GRAP2: variants seen among roughly 807,000 people sequenced by gnomAD.
The protein encoded by GRAP2 is GRB2-related adapter protein 2.
GRAP2 carries 31 observed loss-of-function variants against 43.5 expected under a neutral mutation model. The observed-to-expected ratio is 0.71, with a 90% CI of 0.54 to 0.96. The LOEUF is 0.96. GRAP2 is among the 40% of genes least tolerant of loss of function. GRAP2 has a pLI of 0.00. For missense variants in GRAP2, 371 were observed against 424.4 expected (o/e 0.87, Z 1.11); for synonymous variants, 156 against 164.8 (o/e 0.95, Z 0.41).
At chr22:39,950,681 G>A (rs192781875) in intron 2 of GRAP2, among the ~76,000 whole-genome samples, 2 of 152,310 alleles carry the variant, frequency 1.3e-5, no homozygotes, top group Admixed American at 6.5e-5. Flanking sequence ...ATTTCTTCCT[G>A]TTCATTTAGA....
intron 1 of GRAP2, among the ~76,000 whole-genome samples, chr22:39,917,784 TG>T: frequency 6.6e-6 from 1 of 152,366 alleles, no homozygotes; most frequent in Middle Eastern, 3.4e-3. Context: ...GAAAAATTAA[TG>T]GCATTAGGGG....
At chr22:39,937,704 G>A (rs2066820239) in intron 1 of GRAP2, among the ~76,000 whole-genome samples, 1 of 152,112 alleles carries the variant, frequency 6.6e-6, no homozygotes, top group Admixed American at 6.5e-5. Flanking sequence ...TGCATTTCTG[G>A]TGAAGAAACT....
chr22:39,915,502 C>T (rs1429211546), intron 1 of GRAP2, among the ~76,000 whole-genome samples: 2 of 152,220 alleles, frequency 1.3e-5, no homozygotes, highest in Non-Finnish European at 2.9e-5. Flanking sequence ...GACTCTCAGT[C>T]TCTGTCTATG....
upstream of GRAP2, among the ~76,000 whole-genome samples, chr22:39,897,434 C>G (rs2066470068): frequency 6.6e-6 from 1 of 151,454 alleles, no homozygotes; most frequent in South Asian, 2.1e-4. Context: ...CCTGTATATT[C>G]AAAATCCAAC....
upstream of GRAP2, among the ~76,000 whole-genome samples, chr22:39,898,764 G>A (rs2066475201): frequency 6.6e-6 from 1 of 152,306 alleles, no homozygotes; most frequent in South Asian, 2.1e-4. Context: ...AGTGAGCCAA[G>A]ATTGCGTCAC....
chr22:39,963,330 AC>A (rs2067138205), intron 4 of GRAP2, among the ~76,000 whole-genome samples: 1 of 152,102 alleles, frequency 6.6e-6, no homozygotes, highest in South Asian at 2.1e-4. Flanking sequence ...CTCCTTGTAG[AC>A]CCAGATAACC....
At chr22:39,951,247 G>C (rs2066979076) in intron 2 of GRAP2, among the ~76,000 whole-genome samples, 1 of 152,130 alleles carries the variant, frequency 6.6e-6, no homozygotes, top group South Asian at 2.1e-4. Context: ...TCCTATTCAT[G>C]CCACAAACCA....
At chr22:39,949,066 G>A (rs912449371) in intron 2 of GRAP2, among the ~76,000 whole-genome samples, 8 of 152,068 alleles carry the variant, frequency 5.3e-5, no homozygotes, top group Non-Finnish European at 1.2e-4. Flanking sequence ...TTGAACTCCA[G>A]ACCCAGACTT....
At chr22:39,897,586 C>A (rs1340523782), upstream of GRAP2, among the ~76,000 whole-genome samples, 1 of 143,210 alleles carries the variant, frequency 7.0e-6, no homozygotes, top group Non-Finnish European at 1.5e-5. Context: ...ATGGCGCAAT[C>A]TCGGCTCACT....
rs192896033 is a variant in GRAP2 at position 39,933,600 on chromosome 22, G to A, written c.-14-13493G>A. On this transcript the variant is annotated intron_variant, in intron 1 of 7. Transcript: ENST00000344138. Reference sequence around the variant, plus strand: ...TCACGTCTGTAATTCCAGCACTTTCGGAGGCCAAGGCAGGTGGATCATTAG... The same window carrying A: ...TCACGTCTGTAATTCCAGCACTTTCAGAGGCCAAGGCAGGTGGATCATTAG... Among the ~76,000 whole-genome samples the A allele has an allele frequency of 2.1e-3, 321 of 152,078 alleles. 3 individuals are homozygous for A. Among genetic ancestry groups the A allele is most frequent in the African/African-American group, 7.4e-3 (307 of 41,470 alleles).
At chr22:39,948,327 C>G (rs1280204972) in intron 2 of GRAP2, 1 of 152,114 alleles carries the variant, frequency 6.6e-6, no homozygotes, top group Non-Finnish European at 1.5e-5. Context: ...CTGTCTGTCA[C>G]TGCTTTGGGG....
At chr22:39,938,863 C>T (rs2066834579) in intron 1 of GRAP2, among the ~76,000 whole-genome samples, 1 of 152,178 alleles carries the variant, frequency 6.6e-6, no homozygotes, top group Non-Finnish European at 1.5e-5. Flanking sequence ...AAACGCCATC[C>T]TCATGGTCTC....
chr22:39,921,476 C>G (rs979523490), intron 1 of GRAP2, among the ~76,000 whole-genome samples: 1 of 152,160 alleles, frequency 6.6e-6, no homozygotes, highest in Non-Finnish European at 1.5e-5. Context: ...CCATTCAATT[C>G]CTTTTTGTTT....
chr22:39,934,968 A>T (rs934840183), intron 1 of GRAP2, among the ~76,000 whole-genome samples: 21 of 152,222 alleles, frequency 1.4e-4, no homozygotes, highest in African/African-American at 4.8e-4. Flanking sequence ...TATTCTACTC[A>T]GCCCAGCTCA....
chr22:39,932,145 G>A (rs1157091150), intron 1 of GRAP2, among the ~76,000 whole-genome samples: 3 of 152,178 alleles, frequency 2.0e-5, no homozygotes, highest in Admixed American at 1.3e-4. Context: ...GGAAATTCGA[G>A]ATGAAAGGGT....
chr22:39,947,626 A>C (rs1168067129), intron 2 of GRAP2: 1 of 161,850 alleles, frequency 6.2e-6, no homozygotes, highest in African/African-American at 2.4e-5. Context: ...CGCCAGGCTC[A>C]GCAGAGCTGG....
At chr22:39,911,253 G>A (rs1046824372) in intron 1 of GRAP2, among the ~76,000 whole-genome samples, 5 of 151,994 alleles carry the variant, frequency 3.3e-5, no homozygotes, top group Admixed American at 3.3e-4. Flanking sequence ...AATATAACTG[G>A]TTTATCTGAT....
intron 1 of GRAP2, chr22:39,946,778 C>A: frequency 3.6e-6 from 1 of 280,744 alleles, no homozygotes. Flanking sequence ...TCCTTATCAG[C>A]TGCAAACAGA....
chr22:39,903,620 G>T (rs1053214027), intron 1 of GRAP2, among the ~76,000 whole-genome samples: 6 of 151,704 alleles, frequency 4.0e-5, no homozygotes, highest in African/African-American at 1.5e-4. Flanking sequence ...TGAGACTACA[G>T]GTACACACCA....
Sources: allele counts gnomAD v4.1 joint callset (sites outside exome capture counted in the v4.1 genomes callset), GRCh38; gene constraint gnomAD v4.1.1; transcripts MANE v1.5; gene names NCBI Gene and HGNC (gene_info 2026-07-23, HGNC 2026-07-21).